PPARGC1A: variants seen among roughly 807,000 people sequenced by gnomAD.
PPARGC1A encodes peroxisome proliferator-activated receptor gamma coactivator 1-alpha.
In PPARGC1A, 25 loss-of-function variants were observed where a neutral mutation model predicts 88.7. The ratio of observed to expected loss-of-function variants is 0.28; its 90% CI spans 0.21 to 0.39. The LOEUF (loss-of-function observed/expected upper bound fraction) is 0.39. Ranked by LOEUF, PPARGC1A falls within the 10% of genes least tolerant of loss-of-function variation. The probability of loss-of-function intolerance (pLI) is 1.00; values close to 1 mark genes in which losing one functional copy is unlikely to be tolerated. For synonymous variants in PPARGC1A, 363 were observed against 355.6 expected, an observed-to-expected ratio of 1.02 and a Z score of -0.24; for missense variants, 880 against 968.7, an observed-to-expected ratio of 0.91 and a Z score of 1.22.
At chr4:24,260,552 G>A in the PPARGC1A span, among the ~76,000 whole-genome samples, 1 of 152,198 alleles carries the variant, frequency 6.6e-6, no homozygotes, top group African/African-American at 2.4e-5. Context: ...TAATGGGACT[G>A]GACAGGATCC....
chr4:24,046,702 G>T, the PPARGC1A span, among the ~76,000 whole-genome samples: 1 of 152,108 alleles, frequency 6.6e-6, no homozygotes, highest in Non-Finnish European at 1.5e-5. Flanking sequence ...TCACTGACTA[G>T]CCTTCATTGC....
the PPARGC1A span, among the ~76,000 whole-genome samples, chr4:24,390,296 A>G: frequency 6.6e-5 from 10 of 152,220 alleles, no homozygotes; most frequent in African/African-American, 2.2e-4. Flanking sequence ...TATGCTTGTA[A>G]CAAAAATGGT....
At chr4:24,062,393 T>C in the PPARGC1A span, among the ~76,000 whole-genome samples, 9 of 152,188 alleles carry the variant, frequency 5.9e-5, no homozygotes, top group African/African-American at 2.2e-4. Flanking sequence ...TAATTCTTAA[T>C]AGGTGAAATG....
the PPARGC1A span, among the ~76,000 whole-genome samples, chr4:24,348,498 ATTTTC>A: frequency 6.6e-6 from 1 of 151,766 alleles, no homozygotes; most frequent in East Asian, 1.9e-4. Flanking sequence ...CTTTGTTCAT[ATTTTC>A]TTGTTCTTTT....
chr4:24,204,980 C>T, the PPARGC1A span, among the ~76,000 whole-genome samples: 4 of 152,110 alleles, frequency 2.6e-5, 1 homozygote, highest in East Asian at 7.7e-4. Flanking sequence ...CGCCACCACG[C>T]CCAGCTAATT....
chr4:23,957,002 G>C, the PPARGC1A span, among the ~76,000 whole-genome samples: 152 of 152,174 alleles, frequency 1.0e-3, no homozygotes, highest in African/African-American at 3.0e-3. Context: ...TACAGTGCTC[G>C]TAACTGGTGG....
the PPARGC1A span, among the ~76,000 whole-genome samples, chr4:24,404,132 A>G: frequency 1.3e-5 from 2 of 151,950 alleles, no homozygotes. Flanking sequence ...GCATGGTGGC[A>G]CACACCTGTA....
chr4:23,857,392 G>A (rs562007968), intron 2 of PPARGC1A, among the ~76,000 whole-genome samples: 2 of 144,392 alleles, frequency 1.4e-5, no homozygotes, highest in African/African-American at 5.0e-5. Flanking sequence ...ACACACGCAC[G>A]TACTAAATAG....
intron 7 of PPARGC1A, among the ~76,000 whole-genome samples, chr4:23,814,938 G>C (rs939229065): frequency 6.6e-6 from 1 of 152,056 alleles, no homozygotes; most frequent in African/African-American, 2.4e-5. Context: ...TATTACCAAA[G>C]CTTGCATTTT....
intron 1 of PPARGC1A, among the ~76,000 whole-genome samples, chr4:23,896,332 A>T (rs1281635124): frequency 6.6e-6 from 1 of 152,196 alleles, no homozygotes; most frequent in African/African-American, 2.4e-5. Flanking sequence ...GAACAGAGAG[A>T]TTCAGTATTA....
chr4:23,975,043 A>G, the PPARGC1A span, among the ~76,000 whole-genome samples: 2 of 151,950 alleles, frequency 1.3e-5, no homozygotes, highest in Admixed American at 1.3e-4. Flanking sequence ...GGCGCAGCAC[A>G]AAGGCAGGAG....
chr4:24,104,386 A>G, the PPARGC1A span, among the ~76,000 whole-genome samples: 24 of 152,062 alleles, frequency 1.6e-4, no homozygotes, highest in African/African-American at 5.8e-4. Flanking sequence ...TCTGTCAACA[A>G]CCTTTCCCCC....
chr4:24,080,695 C>T, the PPARGC1A span, among the ~76,000 whole-genome samples: 1 of 152,078 alleles, frequency 6.6e-6, no homozygotes, highest in Non-Finnish European at 1.5e-5. Flanking sequence ...TTATTTCCTT[C>T]CATCTTCAAT....
chr4:24,400,836 GT>G, the PPARGC1A span, among the ~76,000 whole-genome samples: 1 of 152,092 alleles, frequency 6.6e-6, no homozygotes, highest in Admixed American at 6.5e-5. Context: ...AAGCACCTAT[GT>G]AAAATGTGAG....
intron 2 of PPARGC1A, among the ~76,000 whole-genome samples, chr4:23,871,364 T>C (rs910185203): frequency 6.6e-6 from 1 of 152,154 alleles, no homozygotes; most frequent in African/African-American, 2.4e-5. Flanking sequence ...AATGTAACTC[T>C]CAAATCTGTT....
the PPARGC1A span, among the ~76,000 whole-genome samples, chr4:24,439,858 G>A: frequency 6.6e-6 from 1 of 152,194 alleles, no homozygotes; most frequent in Admixed American, 6.5e-5. Context: ...GCATTCATGG[G>A]AACATGACTC....
chr4:24,144,255 A>T, the PPARGC1A span, among the ~76,000 whole-genome samples: 1 of 152,248 alleles, frequency 6.6e-6, no homozygotes, highest in Non-Finnish European at 1.5e-5. Flanking sequence ...CCTTAAAATT[A>T]TAAATGTCCA....
At chr4:24,122,434 TATAGAG>T in the PPARGC1A span, among the ~76,000 whole-genome samples, 57 of 130,194 alleles carry the variant, frequency 4.4e-4, no homozygotes, top group Admixed American at 1.0e-3. Context: ...TATATATATA[TATAGAG>T]AGAGAGAGAG....
At chr4:24,182,055 A>G in the PPARGC1A span, among the ~76,000 whole-genome samples, 1 of 152,172 alleles carries the variant, frequency 6.6e-6, no homozygotes, top group South Asian at 2.1e-4. Context: ...ATAGGTATAT[A>G]TGTGCCATGG....
Sources: gnomAD v4.1 joint callset for allele counts (sites outside exome capture counted in the v4.1 genomes callset) on GRCh38, gnomAD v4.1.1 for gene constraint, MANE v1.5 for transcripts, NCBI Gene and HGNC (gene_info 2026-07-23, HGNC 2026-07-21) for gene names.